ANKRD20A1: variants seen among roughly 807,000 people sequenced by gnomAD.
ANKRD20A1 encodes the protein ankyrin repeat domain 20 family member A1.
A neutral mutation model predicts 50.9 loss-of-function variants in ANKRD20A1; 2 were observed. The observed-to-expected ratio is 0.04, with a 90% CI of 0.02 to 0.12. The LOEUF is 0.12. Ranked by LOEUF, ANKRD20A1 falls within the 10% of genes least tolerant of loss-of-function variation. The pLI, the probability that ANKRD20A1 is intolerant of heterozygous loss-of-function variation, is 1.00. For missense variants in ANKRD20A1, 31 were observed against 548.1 expected (o/e 0.06, Z 9.42); for synonymous variants, 10 against 186.2 (o/e 0.05, Z 7.70).
chr9:67,865,137 T>C (rs1827539694), intron 3 of ANKRD20A1, among the ~76,000 whole-genome samples: 1 of 151,826 alleles, frequency 6.6e-6, no homozygotes, highest in Non-Finnish European at 1.5e-5. Flanking sequence ...AAACTATTTT[T>C]TTTAGTTGAA....
At position 67,896,387 on chromosome 9, in the gene ANKRD20A1, C is replaced by T. The variant is rs533329248; in HGVS notation, c.1153-1172C>T. The stretch of plus-strand genomic sequence containing the variant: ...CAATATTTTTGAAAACATATACTTA[C>T]ACATATTTTAAAAAATCACCACTCT... On this transcript the variant is annotated intron_variant, in intron 12 of 14. Coordinates refer to ENST00000562196, the MANE Select transcript of ANKRD20A1 (RefSeq NM_032250.5). Among the ~76,000 whole-genome samples, 28 of 91,344 alleles carry T rather than the reference C, an allele frequency of 3.1e-4. 12 individuals carry two copies. The South Asian group carries it at 9.7e-3, about 32-fold the overall frequency. The allele number at this position is 91,344 out of a possible 152,430, so 59.9% of individuals were successfully genotyped here.
intron 12 of ANKRD20A1, among the ~76,000 whole-genome samples, chr9:67,894,758 C>A (rs1827991458): frequency 1.7e-5 from 1 of 57,822 alleles, no homozygotes; most frequent in Non-Finnish European, 3.6e-5. Flanking sequence ...CATTTTGCAC[C>A]TGCCAAAAAA....
At chr9:67,885,975 CAG>C (rs1456103374) in intron 9 of ANKRD20A1, among the ~76,000 whole-genome samples, 14 of 148,886 alleles carry the variant, frequency 9.4e-5, no homozygotes, top group Non-Finnish European at 2.1e-4. Flanking sequence ...ATTCTAGCCA[CAG>C]GGGAAGGAGA....
chr9:67,882,313 T>C (rs1455080929), intron 8 of ANKRD20A1, among the ~76,000 whole-genome samples: 1 of 151,328 alleles, frequency 6.6e-6, no homozygotes, highest in Non-Finnish European at 1.5e-5. Flanking sequence ...AATAGACAAA[T>C]GAATTTTTAT....
rs1827498536 is a variant in ANKRD20A1 at position 67,861,369 on chromosome 9, T to C, written c.204-1572T>C. 4.4e-5 allele frequency among the ~76,000 whole-genome samples: 2 copies of C among 45,038 alleles called. 1 individual carries two copies. The highest frequency in any genetic ancestry group is 8.8e-5 in the Non-Finnish European group (2 of 22,854). 29.5% of individuals were successfully genotyped at this position (45,038 alleles called of 152,430 possible). Reference sequence around the variant, plus strand: ...TGCAAACATAATCATTTCATTTTAATTGTGTTCTTTAAAAATAAAACAACA... The same window carrying C: ...TGCAAACATAATCATTTCATTTTAACTGTGTTCTTTAAAAATAAAACAACA... On this transcript the variant is annotated intron_variant, in intron 1 of 14. Coordinates refer to ENST00000562196, the MANE Select transcript of ANKRD20A1 (RefSeq NM_032250.5).
At position 67,872,301 on chromosome 9, in the gene ANKRD20A1, G is replaced by A. The variant is rs149879046; in HGVS notation, c.793+1089G>A. ...GAAGCACAAGTTATATTACATATTCGTACACAAGCAAAATGATTTTATCTG... is the reference window on the plus strand; with the variant it reads ...GAAGCACAAGTTATATTACATATTCATACACAAGCAAAATGATTTTATCTG... On this transcript the variant is annotated intron_variant, in intron 6 of 14. Transcript: ENST00000562196. Among the ~76,000 whole-genome samples, 11 of 130,906 alleles carry A rather than the reference G, an allele frequency of 8.4e-5. 1 individual carries two copies. The highest frequency in any genetic ancestry group is 3.0e-4 in the Admixed American group (4 of 13,328). The allele number at this position is 130,906 out of a possible 152,430, so 85.9% of individuals were successfully genotyped here.
chr9:67,885,415 T>C (rs1388291878), intron 9 of ANKRD20A1, among the ~76,000 whole-genome samples: 3 of 152,308 alleles, frequency 2.0e-5, no homozygotes, highest in Non-Finnish European at 4.4e-5. Context: ...ACCTGTGTTT[T>C]ATCTACCATA....
At chr9:67,875,458 TC>T (rs1827710639) in intron 6 of ANKRD20A1, among the ~76,000 whole-genome samples, 1 of 138,674 alleles carries the variant, frequency 7.2e-6, no homozygotes, top group Non-Finnish European at 1.6e-5. Flanking sequence ...ATGCATAGCC[TC>T]CCCCATTATT....
intron 6 of ANKRD20A1, among the ~76,000 whole-genome samples, chr9:67,872,356 A>C (rs1342517822): frequency 7.5e-6 from 1 of 133,940 alleles, no homozygotes; most frequent in Non-Finnish European, 1.6e-5. Flanking sequence ...ACATACACAC[A>C]CGCACATGTG....
intron 3 of ANKRD20A1, among the ~76,000 whole-genome samples, chr9:67,866,268 T>G (rs1244190062): frequency 6.6e-6 from 1 of 150,832 alleles, no homozygotes; most frequent in East Asian, 2.1e-4. Context: ...AAAGTAGAGC[T>G]GCACTAGGGT....
At chr9:67,872,432 G>T (rs1382385826) in intron 6 of ANKRD20A1, among the ~76,000 whole-genome samples, 1 of 119,896 alleles carries the variant, frequency 8.3e-6, no homozygotes, top group East Asian at 2.9e-4. Flanking sequence ...AAATCCAACT[G>T]TTCACAGAGA....
At chr9:67,860,979 A>G in intron 1 of ANKRD20A1, among the ~76,000 whole-genome samples, 1 of 47,542 alleles carries the variant, frequency 2.1e-5, no homozygotes. Flanking sequence ...TACATACACA[A>G]ACATACTATG....
chr9:67,868,959 C>T (rs1316882185), intron 5 of ANKRD20A1, among the ~76,000 whole-genome samples: 1 of 72,890 alleles, frequency 1.4e-5, no homozygotes, highest in African/African-American at 3.9e-5. Flanking sequence ...AGTAATCCCC[C>T]TGCCTCGGCC....
chr9:67,871,134 A>T (rs1827638183), intron 5 of ANKRD20A1, 23 bp from the exon 6 acceptor site: 1 of 1,369,340 alleles, frequency 7.3e-7, no homozygotes, highest in African/African-American at 1.5e-5. Flanking sequence ...TAGCAATTTT[A>T]TTTATTACTT....
At chr9:67,885,751 C>A (rs1388774262) in intron 9 of ANKRD20A1, among the ~76,000 whole-genome samples, 2 of 152,304 alleles carry the variant, frequency 1.3e-5, no homozygotes, top group Non-Finnish European at 1.5e-5. Flanking sequence ...AGTTGAGGAG[C>A]TTCTGGAAGG....
intron 1 of ANKRD20A1, among the ~76,000 whole-genome samples, chr9:67,861,020 A>G (rs2131547578): frequency 2.2e-5 from 1 of 45,050 alleles, no homozygotes; most frequent in Admixed American, 1.7e-4. Flanking sequence ...TGTACAAAAT[A>G]TAAAATTTGT....
chr9:67,884,889 C>T (rs1356884663), intron 9 of ANKRD20A1, among the ~76,000 whole-genome samples: 1 of 149,824 alleles, frequency 6.7e-6, no homozygotes, highest in African/African-American at 2.4e-5. Context: ...GACTCCGTCT[C>T]AGAAAAAACA....
At chr9:67,897,118 G>A (rs1321839514) in intron 12 of ANKRD20A1, among the ~76,000 whole-genome samples, 1 of 90,196 alleles carries the variant, frequency 1.1e-5, no homozygotes, top group African/African-American at 3.3e-5. Context: ...CTTCTTTACT[G>A]TTCCCGAAGG....
In ANKRD20A1 at chr9:67,859,185, C is replaced by T; in HGVS notation, c.-242C>T. 3.9e-6 allele frequency: 1 copy of T among 254,020 alleles called. No individual in the cohort carries two copies. The highest frequency in any genetic ancestry group is 5.3e-5 in the South Asian group (1 of 19,002). The allele number at this position is 254,020 out of a possible 1,614,324, so 15.7% of individuals were successfully genotyped here. ...AACGGCTTTGCGAGGCTCACTCGGTCTGAGAGGTCGGAGGCTGCGAGTGTC... is the reference window on the plus strand; with the variant it reads ...AACGGCTTTGCGAGGCTCACTCGGTTTGAGAGGTCGGAGGCTGCGAGTGTC... On this transcript the variant is annotated 5_prime_UTR_variant, in exon 1 of 15. Coordinates refer to ENST00000562196, the MANE Select transcript of ANKRD20A1 (RefSeq NM_032250.5).
Sources: gnomAD v4.1 joint callset for allele counts (sites outside exome capture counted in the v4.1 genomes callset) on GRCh38, gnomAD v4.1.1 for gene constraint, MANE v1.5 for transcripts, NCBI Gene and HGNC (gene_info 2026-07-23, HGNC 2026-07-21) for gene names.